Variants in ARHGAP8 observed in about 807,000 individuals in gnomAD.
ARHGAP8 encodes Rho GTPase activating protein 8.
A neutral mutation model predicts 46.1 loss-of-function variants in ARHGAP8; 62 were observed. That is an observed-to-expected ratio of 1.34 (90% CI 1.10 to 1.66). ARHGAP8 has a LOEUF of 1.66. Ranked by LOEUF, ARHGAP8 falls within the 40% of genes most tolerant of loss-of-function variation. The pLI, the probability that ARHGAP8 is intolerant of heterozygous loss-of-function variation, is 0.00. For missense variants in ARHGAP8, 923 were observed against 568.4 expected (o/e 1.62, Z -6.34); for synonymous variants, 375 against 243.1 (o/e 1.54, Z -5.05).
intron 11 of ARHGAP8, among the ~76,000 whole-genome samples, chr22:44,861,746 T>C (rs376129443): frequency 9.2e-5 from 14 of 152,154 alleles, no homozygotes; most frequent in African/African-American, 3.4e-4. Flanking sequence ...AGGCCCCAGA[T>C]TCCTCATCTG....
chr22:44,778,990 A>G (rs547893368), intron 1 of ARHGAP8, among the ~76,000 whole-genome samples: 41 of 152,248 alleles, frequency 2.7e-4, no homozygotes, highest in Non-Finnish European at 4.9e-4. Context: ...ATCAGTTCAA[A>G]AGATGGTCTG....
At chr22:44,762,331 G>C (rs1426147024) in intron 1 of ARHGAP8, among the ~76,000 whole-genome samples, 1 of 152,058 alleles carries the variant, frequency 6.6e-6, no homozygotes, top group African/African-American at 2.4e-5. Flanking sequence ...AGCTACTCGG[G>C]AGGCTGAGGT....
At chr22:44,832,276 G>T (rs565061756) in intron 7 of ARHGAP8, among the ~76,000 whole-genome samples, 36 of 146,576 alleles carry the variant, frequency 2.5e-4, no homozygotes, top group African/African-American at 8.0e-4. Flanking sequence ...GCCTAGGCTG[G>T]AGTGCAGTGG....
chr22:44,757,177 A>G (rs966755038), intron 1 of ARHGAP8, among the ~76,000 whole-genome samples: 16 of 152,180 alleles, frequency 1.1e-4, no homozygotes, highest in Non-Finnish European at 1.2e-4. Context: ...TGGCCCCCCA[A>G]AGTGCTGGGA....
intron 2 of ARHGAP8, among the ~76,000 whole-genome samples, chr22:44,793,744 A>G (rs1171338663): frequency 1.3e-5 from 2 of 152,204 alleles, no homozygotes; most frequent in Admixed American, 1.3e-4. Context: ...GAGGGGAGAA[A>G]CAGGGGTCAT....
In ARHGAP8 at chr22:44,808,446, C is replaced by A. The variant is rs1313576666; in HGVS notation, c.299+8C>A. 6.2e-7 allele frequency: 1 copy of A among 1,613,590 alleles called. No homozygotes were observed. Among genetic ancestry groups the A allele is most frequent in the African/African-American group, 1.3e-5 (1 of 75,032 alleles). On this transcript the variant is annotated splice_region_variant and intron_variant, in intron 4 of 11. Coordinates refer to ENST00000356099, the MANE Select transcript of ARHGAP8 (RefSeq NM_181335.3). ...CAAGGAGTTCGATAGGAAGTACGTG[C>A]CCGCAAGCCTTCAGGGACGTGGGTG...
chr22:44,775,723 T>C (rs1373816353), intron 1 of ARHGAP8, among the ~76,000 whole-genome samples: 1 of 152,182 alleles, frequency 6.6e-6, no homozygotes, highest in African/African-American at 2.4e-5. Flanking sequence ...GTGCTAAGAT[T>C]ATAGGTGTGA....
At chr22:44,777,998 TTTTATTTA>T (rs59802896) in intron 1 of ARHGAP8, among the ~76,000 whole-genome samples, 3,711 of 143,724 alleles carry the variant, frequency 0.026, 102 homozygotes, top group Admixed American at 0.069. Context: ...GCCTGGACTA[TTTTATTTA>T]TTTATTTATT....
At position 44,823,790 on chromosome 22, in the gene ARHGAP8, C is replaced by T. The variant is rs148773557; in HGVS notation, c.485+1321C>T. On this transcript the variant is annotated intron_variant, in intron 6 of 11. Coordinates refer to ENST00000356099, the MANE Select transcript of ARHGAP8 (RefSeq NM_181335.3). Reference sequence around the variant, plus strand: ...TGAAATGGACGGCATCTGTGAAACACGCAGCTCCGGCTTCTCAGTGGGTAC... The same window carrying T: ...TGAAATGGACGGCATCTGTGAAACATGCAGCTCCGGCTTCTCAGTGGGTAC... Among the ~76,000 whole-genome samples, 1,059 of 152,184 alleles carry T rather than the reference C, an allele frequency of 7.0e-3. 8 individuals are homozygous for T. The highest frequency in any genetic ancestry group is 0.011 in the Non-Finnish European group (762 of 68,016).
chr22:44,830,674 C>T (rs1228883473), intron 7 of ARHGAP8, among the ~76,000 whole-genome samples: 1 of 152,024 alleles, frequency 6.6e-6, no homozygotes, highest in African/African-American at 2.4e-5. Context: ...GTATGTGTGA[C>T]TACAGGTATG....
chr22:44,814,096 C>G lies in ARHGAP8; in HGVS notation c.300-576C>G, dbSNP rs564989627. Among the ~76,000 whole-genome samples, 22 of 152,324 alleles carry G rather than the reference C, an allele frequency of 1.4e-4. No individual in the cohort carries two copies. In the South Asian group the frequency reaches 4.6e-3, roughly 32 times the overall value. ...CTGGTTGGCTGCCTACCTTTCTTCC[C>G]CAACCTGATGGCTTTGGGCTGAAAT... is the stretch of plus-strand genomic sequence containing the variant. On this transcript the variant is annotated intron_variant, in intron 4 of 11. Coordinates refer to ENST00000356099, the MANE Select transcript of ARHGAP8 (RefSeq NM_181335.3).
intron 1 of ARHGAP8, among the ~76,000 whole-genome samples, chr22:44,776,591 CT>C (rs1437874192): frequency 3.3e-5 from 5 of 152,170 alleles, no homozygotes; most frequent in Admixed American, 3.3e-4. Context: ...ACGCTGTCTT[CT>C]TAATAGGCTC....
At chr22:44,808,227 C>T (rs67134815) in intron 3 of ARHGAP8, 80 bp from the exon 4 acceptor site, 99,998 of 1,549,752 alleles carry the variant, frequency 0.065, 4,653 homozygotes, top group African/African-American at 0.19. Flanking sequence ...GTGACCATAG[C>T]TTCCATTATA....
In ARHGAP8 at chr22:44,844,614, G is replaced by A. The variant is rs114824673; in HGVS notation, c.597-655G>A. Reference sequence around the variant, plus strand: ...AGTAGCTGAGATTACAGGTGTACACGATCACATCCAGCTAATTTTTGTATT... The same window carrying A: ...AGTAGCTGAGATTACAGGTGTACACAATCACATCCAGCTAATTTTTGTATT... On this transcript the variant is annotated intron_variant, in intron 7 of 11. Transcript: ENST00000356099. 5.1e-3 allele frequency among the ~76,000 whole-genome samples: 776 copies of A among 151,866 alleles called. 10 individuals carry two copies. Among genetic ancestry groups the A allele is most frequent in the African/African-American group, 0.018 (740 of 41,448 alleles).
At chr22:44,860,036 C>T (rs908841612) in intron 11 of ARHGAP8, among the ~76,000 whole-genome samples, 2 of 152,044 alleles carry the variant, frequency 1.3e-5, no homozygotes, top group African/African-American at 2.4e-5. Context: ...GCCTGTCAGA[C>T]AGGGCGTACC....
chr22:44,832,467 C>A (rs911011742), intron 7 of ARHGAP8, among the ~76,000 whole-genome samples: 7 of 152,128 alleles, frequency 4.6e-5, no homozygotes, highest in African/African-American at 1.7e-4. Flanking sequence ...CTCTGGTGAT[C>A]TGCCTGCATC....
intron 2 of ARHGAP8, among the ~76,000 whole-genome samples, chr22:44,791,439 C>G (rs1357574594): frequency 2.6e-5 from 4 of 152,270 alleles, no homozygotes; most frequent in Middle Eastern, 3.4e-3. Context: ...CGCAGTGGCT[C>G]GTGCCTGTAA....
chr22:44,832,207 G>A (rs1448767149), intron 7 of ARHGAP8, among the ~76,000 whole-genome samples: 1 of 136,490 alleles, frequency 7.3e-6, no homozygotes, highest in East Asian at 2.2e-4. Context: ...AATTTGTGAT[G>A]CTATTGTCAA....
At chr22:44,826,064 C>A (rs1930501067) in intron 7 of ARHGAP8, among the ~76,000 whole-genome samples, 1 of 152,056 alleles carries the variant, frequency 6.6e-6, no homozygotes, top group Non-Finnish European at 1.5e-5. Flanking sequence ...AGACACTTCC[C>A]ACCACCTTCA....
Sources: allele counts gnomAD v4.1 joint callset (sites outside exome capture counted in the v4.1 genomes callset), GRCh38; gene constraint gnomAD v4.1.1; transcripts MANE v1.5; gene names NCBI Gene and HGNC (gene_info 2026-07-23, HGNC 2026-07-21).